DZIP3: variants seen among roughly 807,000 people sequenced by gnomAD.
The protein encoded by DZIP3 is DAZ interacting zinc finger protein 3.
DZIP3 carries 118 observed loss-of-function variants against 162.0 expected under a neutral mutation model. The observed-to-expected ratio is 0.73, with a 90% CI of 0.63 to 0.85. The LOEUF is 0.85. DZIP3 is among the 40% of genes least tolerant of loss of function. The pLI, the probability that DZIP3 is intolerant of heterozygous loss-of-function variation, is 0.00. For missense variants in DZIP3, 1,331 were observed against 1,407.0 expected, an observed-to-expected ratio of 0.95 and a Z score of 0.86; for synonymous variants, 438 against 458.6, an observed-to-expected ratio of 0.96 and a Z score of 0.57.
At chr3:108,592,085 A>G (rs1422146446) in intron 1 of DZIP3, among the ~76,000 whole-genome samples, 1 of 152,126 alleles carries the variant, frequency 6.6e-6, no homozygotes, top group African/African-American at 2.4e-5. Flanking sequence ...TCTGGTTTTA[A>G]ACTGGCACCT....
At chr3:108,629,896 C>T (rs1013289926) in intron 8 of DZIP3, among the ~76,000 whole-genome samples, 1 of 151,748 alleles carries the variant, frequency 6.6e-6, no homozygotes, top group African/African-American at 2.4e-5. Flanking sequence ...TATTATATAG[C>T]TTTGTTTTAA....
chr3:108,626,222 C>T (rs779908199), intron 7 of DZIP3, among the ~76,000 whole-genome samples: 3 of 152,074 alleles, frequency 2.0e-5, no homozygotes, highest in Admixed American at 6.5e-5. Context: ...CTGATAGACC[C>T]GGGTTCAGCT....
At chr3:108,643,969 G>A (rs565085697) in intron 13 of DZIP3, among the ~76,000 whole-genome samples, 195 bp from the exon 14 acceptor site, 35 of 152,224 alleles carry the variant, frequency 2.3e-4, no homozygotes, top group African/African-American at 7.5e-4. Flanking sequence ...TTGGGAACAT[G>A]TTGTTTTTGT....
intron 3 of DZIP3, among the ~76,000 whole-genome samples, chr3:108,609,491 C>T (rs1940578008): frequency 6.6e-6 from 1 of 152,112 alleles, no homozygotes; most frequent in Non-Finnish European, 1.5e-5. Flanking sequence ...GATATTTAAT[C>T]AATTTTGCCA....
At chr3:108,676,016 T>A (rs770073924) in intron 25 of DZIP3, 143 bp downstream of exon 25, 131 of 665,172 alleles carry the variant, frequency 2.0e-4, no homozygotes, top group Non-Finnish European at 2.9e-4. Context: ...TTGAGATTAC[T>A]TCCATGTGGT....
chr3:108,598,689 G>A (rs4494934), intron 1 of DZIP3, among the ~76,000 whole-genome samples: 35,066 of 152,058 alleles, frequency 0.23, 4,751 homozygotes, highest in Non-Finnish European at 0.31. Flanking sequence ...CCATCTCTGC[G>A]TGCGTTATGT....
intron 15 of DZIP3, among the ~76,000 whole-genome samples, chr3:108,647,370 TAAAAA>T (rs1295047642): frequency 6.6e-6 from 1 of 151,742 alleles, no homozygotes; most frequent in Non-Finnish European, 1.5e-5. Context: ...AAATTATACT[TAAAAA>T]AAACACCACC....
chr3:108,634,908 T>A lies in DZIP3; in HGVS notation c.854T>A (p.Val285Asp). 1 of 1,610,658 alleles carries A rather than the reference T, an allele frequency of 6.2e-7. No homozygotes were observed. The highest frequency in any genetic ancestry group is 1.1e-5 in the South Asian group (1 of 90,578). ...FQLMCSKSCC[V>D]YFHKICWKKF... is the part of the protein sequence containing the mutation. The stretch of plus-strand genomic sequence containing the variant: ...TTAATGTGCAGTAAAAGTTGCTGTG[T>A]TTATTTCCATAAAATTTGCTGGAAA... Residue 285 changes from valine (V) to aspartate (D), a missense_variant, in exon 10 of 33, where the codon GTT becomes GAT. Physicochemically the swap from Val to Asp is radical, Grantham distance 152. This residue lies in a region of DZIP3 where 1,278 missense variants were observed against 1,317.1 expected (regional missense o/e 0.97). Transcript: ENST00000361582.
intron 16 of DZIP3, chr3:108,648,319 A>G (rs566498458): frequency 2.3e-6 from 1 of 438,620 alleles, no homozygotes; most frequent in African/African-American, 2.0e-5. Flanking sequence ...TTTTGCCACC[A>G]TTTCTTAAAC....
chr3:108,673,932 G>A (rs1035248731), intron 23 of DZIP3, 146 bp from the exon 24 acceptor site: 1 of 592,892 alleles, frequency 1.7e-6, no homozygotes, highest in African/African-American at 1.8e-5. Context: ...AAAAGCTTTT[G>A]TAATGTATCT....
intron 12 of DZIP3, among the ~76,000 whole-genome samples, chr3:108,640,011 G>C (rs972021921): frequency 2.0e-5 from 3 of 152,022 alleles, no homozygotes; most frequent in South Asian, 2.1e-4. Context: ...GTGTGTGTGT[G>C]TATGTTTTAA....
intron 5 of DZIP3, among the ~76,000 whole-genome samples, chr3:108,622,032 T>TA (rs34750239): frequency 0.01 from 1,402 of 138,434 alleles, 13 homozygotes; most frequent in Admixed American, 0.037. Context: ...ACCCCATCTC[T>TA]AAAAAAAAAA....
chr3:108,650,898 A>T (rs927162094), intron 17 of DZIP3, among the ~76,000 whole-genome samples: 1 of 151,642 alleles, frequency 6.6e-6, no homozygotes, highest in Non-Finnish European at 1.5e-5. Context: ...AATAGGAATT[A>T]AAAAAATACT....
At position 108,605,357 on chromosome 3, in the gene DZIP3, T is replaced by C. The variant is rs779186906; in HGVS notation, c.-50T>C. 6.2e-6 allele frequency: 10 copies of C among 1,612,274 alleles called. No homozygotes were observed. Among genetic ancestry groups the C allele is most frequent in the Non-Finnish European group, 8.5e-6 (10 of 1,179,030 alleles). ...CAGCATTAAAGGGCAGTATTTAAAGTCAGTTGGCAAGCAGTGGAATAAGAT... is the reference window on the plus strand; with the variant it reads ...CAGCATTAAAGGGCAGTATTTAAAGCCAGTTGGCAAGCAGTGGAATAAGAT... On this transcript the variant is annotated 5_prime_UTR_variant, in exon 2 of 33. Coordinates refer to ENST00000361582, the MANE Select transcript of DZIP3 (RefSeq NM_014648.4).
At chr3:108,640,499 G>A (rs1190158488) in intron 12 of DZIP3, among the ~76,000 whole-genome samples, 4 of 143,532 alleles carry the variant, frequency 2.8e-5, no homozygotes, top group Non-Finnish European at 4.5e-5. Context: ...AGGTTGGAGT[G>A]CAGTGGCACG....
Position 108,634,859 on chromosome 3 carries a change from A to AT in DZIP3, c.817-5dup. 1.3e-6 allele frequency: 2 copies of AT among 1,574,682 alleles called. No individual in the cohort carries two copies. Among genetic ancestry groups the AT allele is most frequent in the Admixed American group, 1.7e-5 (1 of 57,530 alleles). ...ATGTCCTTATTGATAACTTACTTTTATTTTTTTCCAGGGATTTTTTCAGTT... is the reference window on the plus strand; with the variant it reads ...ATGTCCTTATTGATAACTTACTTTTATTTTTTTTCCAGGGATTTTTTCAGTT... On this transcript the variant is annotated splice_polypyrimidine_tract_variant and intron_variant, in intron 9 of 32. Coordinates refer to ENST00000361582, the MANE Select transcript of DZIP3 (RefSeq NM_014648.4).
At chr3:108,593,063 A>G (rs1354171103) in intron 1 of DZIP3, among the ~76,000 whole-genome samples, 1 of 152,202 alleles carries the variant, frequency 6.6e-6, no homozygotes, top group Admixed American at 6.5e-5. Flanking sequence ...TGGCTTTTAT[A>G]TCTGTTTCAT....
intron 17 of DZIP3, among the ~76,000 whole-genome samples, chr3:108,649,305 T>C (rs189551385): frequency 6.6e-6 from 1 of 152,070 alleles, no homozygotes; most frequent in East Asian, 1.9e-4. Context: ...CATGTCTTTA[T>C]TGATATGTTT....
chr3:108,611,014 A>G (rs1396416265), intron 3 of DZIP3, among the ~76,000 whole-genome samples, 160 bp from the exon 4 acceptor site: 5 of 152,218 alleles, frequency 3.3e-5, no homozygotes, highest in Non-Finnish European at 4.4e-5. Flanking sequence ...AGCAGAGAAC[A>G]TATTATTCTT....
Sources: gnomAD v4.1 joint callset for allele counts (sites outside exome capture counted in the v4.1 genomes callset) on GRCh38, gnomAD v4.1.1 for gene constraint, gnomAD v4.1.1 regional missense constraint, MANE v1.5 for transcripts, NCBI Gene and HGNC (gene_info 2026-07-23, HGNC 2026-07-21) for gene names.